SLC30A8: variants seen among roughly 807,000 people sequenced by gnomAD.
SLC30A8 encodes proton-coupled zinc antiporter SLC30A8.
A neutral mutation model predicts 36.9 loss-of-function variants in SLC30A8; 27 were observed. That is an observed-to-expected ratio of 0.73 (90% CI 0.54 to 1.01). The LOEUF is 1.01. SLC30A8 is among the 50% of genes least tolerant of loss of function. The pLI, the probability that SLC30A8 is intolerant of heterozygous loss-of-function variation, is 0.00. For missense variants in SLC30A8, 439 were observed against 452.0 expected, an observed-to-expected ratio of 0.97 and a Z score of 0.26; for synonymous variants, 164 against 172.4, an observed-to-expected ratio of 0.95 and a Z score of 0.38.
At chr8:116,957,340 C>T (rs957996447) in intron 1 of SLC30A8, among the ~76,000 whole-genome samples, 11 of 151,938 alleles carry the variant, frequency 7.2e-5, no homozygotes, top group African/African-American at 2.2e-4. Flanking sequence ...GCAGTGGCGC[C>T]ATCTCCTGCA....
chr8:117,100,481 T>G (rs1049760251), intron 2 of SLC30A8, among the ~76,000 whole-genome samples: 4 of 152,166 alleles, frequency 2.6e-5, no homozygotes, highest in African/African-American at 9.7e-5. Context: ...TCCTACTCTG[T>G]GTCCCATGCT....
At chr8:116,993,042 A>G (rs1310935072) in intron 1 of SLC30A8, among the ~76,000 whole-genome samples, 2 of 152,156 alleles carry the variant, frequency 1.3e-5, no homozygotes, top group East Asian at 3.9e-4. Flanking sequence ...TAAAGAAAAC[A>G]TAGCCAAATT....
At chr8:117,033,524 G>A (rs1045882193) in intron 1 of SLC30A8, among the ~76,000 whole-genome samples, 2 of 152,236 alleles carry the variant, frequency 1.3e-5, no homozygotes, top group African/African-American at 4.8e-5. Flanking sequence ...TAGGGGTGAT[G>A]AAATGTTTTG....
intron 1 of SLC30A8, among the ~76,000 whole-genome samples, chr8:117,003,533 T>C (rs573812687): frequency 6.6e-6 from 1 of 152,356 alleles, no homozygotes; most frequent in African/African-American, 2.4e-5. Flanking sequence ...GCAGAGCTGG[T>C]ACTCTGATGT....
chr8:117,066,972 AG>A (rs1445211532), intron 2 of SLC30A8, among the ~76,000 whole-genome samples: 8 of 152,296 alleles, frequency 5.3e-5, no homozygotes, highest in Non-Finnish European at 1.2e-4. Context: ...TAAAGGAAAG[AG>A]GTTTAATTGA....
chr8:117,137,822 A>G (rs1054329930), intron 1 of SLC30A8, among the ~76,000 whole-genome samples: 1 of 151,876 alleles, frequency 6.6e-6, no homozygotes, highest in Non-Finnish European at 1.5e-5. Context: ...ATCACAATTT[A>G]TGGGTTAAAG....
intron 1 of SLC30A8, among the ~76,000 whole-genome samples, chr8:116,975,684 G>T (rs868489463): frequency 6.6e-6 from 1 of 152,180 alleles, no homozygotes; most frequent in Admixed American, 6.5e-5. Context: ...ATGAGCTTGC[G>T]CAAGAATTGG....
chr8:117,061,927 A>G (rs1306723011), intron 2 of SLC30A8, among the ~76,000 whole-genome samples: 1 of 152,220 alleles, frequency 6.6e-6, no homozygotes, highest in Non-Finnish European at 1.5e-5. Flanking sequence ...AATATCACAG[A>G]GAGGAATAGG....
intron 6 of SLC30A8, among the ~76,000 whole-genome samples, chr8:117,165,371 A>G (rs1266899595): frequency 2.0e-5 from 3 of 152,290 alleles, no homozygotes; most frequent in Non-Finnish European, 2.9e-5. Flanking sequence ...GGAGATAAAC[A>G]CTGTACTGTA....
chr8:117,046,334 C>T (rs1376476238), intron 2 of SLC30A8, among the ~76,000 whole-genome samples: 2 of 152,200 alleles, frequency 1.3e-5, no homozygotes, highest in Non-Finnish European at 2.9e-5. Flanking sequence ...ATCTTTCTCA[C>T]CATTAGGATC....
At chr8:117,040,707 A>T (rs764044229) in intron 2 of SLC30A8, among the ~76,000 whole-genome samples, 18 of 152,192 alleles carry the variant, frequency 1.2e-4, no homozygotes, top group Admixed American at 6.5e-4. Flanking sequence ...TGTTTTAATG[A>T]AGGCAAGCGT....
chr8:116,979,070 C>G (rs1245235034), intron 1 of SLC30A8, among the ~76,000 whole-genome samples: 1 of 151,314 alleles, frequency 6.6e-6, no homozygotes, highest in Non-Finnish European at 1.5e-5. Flanking sequence ...AACCCCGTCT[C>G]TACTAAAAAT....
At chr8:116,981,770 G>A (rs1271963743) in intron 1 of SLC30A8, among the ~76,000 whole-genome samples, 1 of 152,148 alleles carries the variant, frequency 6.6e-6, no homozygotes, top group Admixed American at 6.6e-5. Context: ...TGGCTGTGTA[G>A]TATTCCATGG....
At chr8:117,035,804 C>G (rs534550498) in intron 1 of SLC30A8, among the ~76,000 whole-genome samples, 40 of 152,290 alleles carry the variant, frequency 2.6e-4, no homozygotes, top group African/African-American at 9.6e-4. Context: ...ACTGGAAGGC[C>G]CAGCACCACG....
At chr8:117,023,776 C>T (rs1160940954) in intron 1 of SLC30A8, among the ~76,000 whole-genome samples, 2 of 151,476 alleles carry the variant, frequency 1.3e-5, no homozygotes, top group African/African-American at 2.4e-5. Flanking sequence ...AGTTAAATGA[C>T]GAGTTACTGG....
At position 117,174,657 on chromosome 8, in the gene SLC30A8, G is replaced by GTT. The variant is rs1338451957; in HGVS notation, c.*1977_*1978dup. ...TAGGTGACTTGGCAAACACACAAGT[G>GTT]TTAGTATAATTCTTTGCTTCTGCTT... On this transcript the variant is annotated 3_prime_UTR_variant, in exon 8 of 8. Coordinates refer to ENST00000456015, the MANE Select transcript of SLC30A8 (RefSeq NM_173851.3). 6.6e-6 allele frequency: 1 copy of GTT among 152,546 alleles called. No homozygotes were observed. The highest frequency in any genetic ancestry group is 6.6e-5 in the Admixed American group (1 of 15,258). 9.4% of individuals were successfully genotyped at this position (152,546 alleles called of 1,614,324 possible).
chr8:117,089,240 C>G (rs1390775333), intron 2 of SLC30A8, among the ~76,000 whole-genome samples: 2 of 152,124 alleles, frequency 1.3e-5, no homozygotes, highest in Non-Finnish European at 2.9e-5. Flanking sequence ...ATGAAATTCT[C>G]TAAATATTTT....
chr8:117,166,644 T>G (rs763231019), intron 6 of SLC30A8, among the ~76,000 whole-genome samples: 2 of 152,142 alleles, frequency 1.3e-5, no homozygotes, highest in Non-Finnish European at 2.9e-5. Context: ...ACTAATCTTT[T>G]AGTACCACTG....
chr8:116,991,176 C>T (rs138931726), intron 1 of SLC30A8, among the ~76,000 whole-genome samples: 9 of 152,172 alleles, frequency 5.9e-5, no homozygotes, highest in East Asian at 1.9e-4. Flanking sequence ...GAATAGTCAT[C>T]GTTTTAAAAA....
Sources: gnomAD v4.1 joint callset for allele counts (sites outside exome capture counted in the v4.1 genomes callset) on GRCh38, gnomAD v4.1.1 for gene constraint, MANE v1.5 for transcripts, NCBI Gene and HGNC (gene_info 2026-07-23, HGNC 2026-07-21) for gene names.